Variants in ERI1 observed in about 807,000 individuals in gnomAD.
The protein encoded by ERI1 is 3'-5' exoribonuclease 1.
Under a neutral mutation model 39.7 loss-of-function variants are expected in ERI1, and 39 were observed. The ratio of observed to expected loss-of-function variants is 0.98; its 90% CI spans 0.76 to 1.28. The LOEUF (loss-of-function observed/expected upper bound fraction) is 1.28, where lower values mean the gene tolerates loss of function less well. Among genes scored for constraint, ERI1 ranks in the 50% most tolerant of loss-of-function variants. The probability of loss-of-function intolerance (pLI) is 0.00; values close to 1 mark genes in which losing one functional copy is unlikely to be tolerated. For synonymous variants in ERI1, 204 were observed against 149.6 expected, an observed-to-expected ratio of 1.36 and a Z score of -2.65; for missense variants, 581 against 416.9, an observed-to-expected ratio of 1.39 and a Z score of -3.43.
chr8:9,086,940 C>A (rs987261312), intron 3 of ERI1, among the ~76,000 whole-genome samples: 1 of 152,124 alleles, frequency 6.6e-6, no homozygotes, highest in African/African-American at 2.4e-5. Context: ...GGAAAATTCT[C>A]AAAATTTTAA....
chr8:9,090,168 C>G (rs1386774397), intron 3 of ERI1, among the ~76,000 whole-genome samples: 1 of 152,102 alleles, frequency 6.6e-6, no homozygotes, highest in Non-Finnish European at 1.5e-5. Context: ...TCCAAGGACC[C>G]AGGACACTTG....
chr8:9,096,704 C>T (rs1011515807), intron 3 of ERI1: 1 of 139,612 alleles, frequency 7.2e-6, no homozygotes, highest in Non-Finnish European at 1.5e-5. Flanking sequence ...ACTTCTATTG[C>T]CATCTTTTTT....
At chr8:9,086,060 C>A (rs1026153011) in intron 3 of ERI1, among the ~76,000 whole-genome samples, 1 of 152,148 alleles carries the variant, frequency 6.6e-6, no homozygotes, top group Non-Finnish European at 1.5e-5. Flanking sequence ...TAACTCCCGT[C>A]CTCTTTCAAG....
chr8:9,053,044 T>A (rs1554525411), intron 3 of ERI1, among the ~76,000 whole-genome samples: 1 of 152,078 alleles, frequency 6.6e-6, no homozygotes, highest in Non-Finnish European at 1.5e-5. Context: ...TGAGACGGAG[T>A]CTTGCTCTGT....
At chr8:9,014,494 G>C (rs561103545) in intron 3 of ERI1, among the ~76,000 whole-genome samples, 1 of 152,150 alleles carries the variant, frequency 6.6e-6, no homozygotes, top group South Asian at 2.1e-4. Flanking sequence ...AGGCACCCAG[G>C]TTCCTTTAGT....
At chr8:9,043,413 C>A (rs1798084385) in intron 3 of ERI1, among the ~76,000 whole-genome samples, 1 of 152,186 alleles carries the variant, frequency 6.6e-6, no homozygotes, top group South Asian at 2.1e-4. Flanking sequence ...TTACATTCTT[C>A]ACCCAAGCAT....
intron 3 of ERI1, among the ~76,000 whole-genome samples, chr8:9,086,963 T>C (rs1327270464): frequency 6.6e-6 from 1 of 152,160 alleles, no homozygotes; most frequent in African/African-American, 2.4e-5. Flanking sequence ...AGTTTTAAAC[T>C]AGTTAGTGCT....
intron 3 of ERI1, among the ~76,000 whole-genome samples, chr8:9,067,880 A>G (rs529246485): frequency 7.2e-5 from 11 of 152,028 alleles, no homozygotes; most frequent in African/African-American, 2.4e-4. Context: ...CACATTTTCT[A>G]CAATTTTGCC....
At chr8:9,091,310 C>G (rs1313964058) in intron 3 of ERI1, 1 of 152,168 alleles carries the variant, frequency 6.6e-6, no homozygotes, top group African/African-American at 2.4e-5. Flanking sequence ...CGCTTGAGGT[C>G]AGGAGTTCAA....
chr8:9,004,409 G>C, intron 1 of ERI1: 1 of 503,636 alleles, frequency 2.0e-6, no homozygotes, highest in Non-Finnish European at 2.7e-6. Context: ...TTAAGGCCTA[G>C]GTCTCTGTTC....
intron 3 of ERI1, among the ~76,000 whole-genome samples, chr8:9,042,420 CA>C (rs1480794192): frequency 1.3e-5 from 2 of 152,180 alleles, no homozygotes; most frequent in African/African-American, 4.8e-5. Flanking sequence ...CATTAAGAAA[CA>C]AACAGATGCT....
Position 9,030,169 on chromosome 8 carries a change from T to A in ERI1, c.*135T>A, listed in dbSNP as rs936772611. 1.8e-5 allele frequency: 21 copies of A among 1,160,674 alleles called. No individual in the cohort carries two copies. The highest frequency in any genetic ancestry group is 3.1e-5 in the African/African-American group (2 of 64,756). The allele number at this position is 1,160,674 out of a possible 1,614,324, so 71.9% of individuals were successfully genotyped here. On this transcript the variant is annotated 3_prime_UTR_variant, in exon 7 of 7. Transcript: ENST00000250263. ...AAAATCTTATTACAGGTGATAGAGA[T>A]AGATACATGTATGTGAACAGATTTT...
chr8:9,093,437 T>C (rs1799772370), intron 3 of ERI1, among the ~76,000 whole-genome samples: 2 of 149,338 alleles, frequency 1.3e-5, no homozygotes, highest in African/African-American at 2.5e-5. Context: ...ATTCAACCCA[T>C]TACAAATATA....
intron 3 of ERI1, chr8:9,072,432 T>A (rs1311764405): frequency 6.6e-6 from 1 of 151,932 alleles, no homozygotes; most frequent in Non-Finnish European, 1.5e-5. Context: ...TTTAGGATAA[T>A]TTTTTCTTTC....
intron 3 of ERI1, among the ~76,000 whole-genome samples, chr8:9,074,752 G>A (rs889562536): frequency 1.3e-5 from 2 of 152,136 alleles, no homozygotes; most frequent in African/African-American, 4.8e-5. Flanking sequence ...TATATTTATT[G>A]TGCCTGCATT....
intron 3 of ERI1, among the ~76,000 whole-genome samples, chr8:9,046,111 G>T (rs73524265): frequency 0.014 from 2,106 of 152,302 alleles, 38 homozygotes; most frequent in African/African-American, 0.048. Flanking sequence ...AGGTAACTGT[G>T]ATCCTTAGAT....
Position 9,021,785 on chromosome 8 carries a change from T to G in ERI1, c.807+1321T>G, listed in dbSNP as rs575389061. Among the ~76,000 whole-genome samples the G allele has an allele frequency of 1.8e-3, 256 of 145,778 alleles. 1 individual carries two copies. The highest frequency in any genetic ancestry group is 6.1e-3 in the African/African-American group (244 of 39,744). On this transcript the variant is annotated intron_variant, in intron 6 of 6. Coordinates refer to ENST00000250263, the MANE Select transcript of ERI1 (RefSeq NM_153332.4). ...TATTTGTTTTTTTTGTTTTTTTTTT[T>G]TTTTCAATATTATGCTTGAGATCCA...
chr8:9,075,951 A>T (rs909035769), intron 3 of ERI1, among the ~76,000 whole-genome samples: 6 of 151,946 alleles, frequency 3.9e-5, no homozygotes, highest in Non-Finnish European at 4.4e-5. Flanking sequence ...TTTTGGAGAC[A>T]GGGTCTCATT....
chr8:9,099,644 A>G (rs1434978651), intron 3 of ERI1, among the ~76,000 whole-genome samples: 2 of 151,996 alleles, frequency 1.3e-5, no homozygotes, highest in Non-Finnish European at 2.9e-5. Context: ...AACCAAATAA[A>G]TAAATAAGCA....
Sources: gnomAD v4.1 joint callset for allele counts (sites outside exome capture counted in the v4.1 genomes callset) on GRCh38, gnomAD v4.1.1 for gene constraint, MANE v1.5 for transcripts, NCBI Gene and HGNC (gene_info 2026-07-23, HGNC 2026-07-21) for gene names.